The following ZNF891 variants were observed in gnomAD, a reference collection of about 807,000 sequenced individuals.
ZNF891 encodes hCG1646157.
For synonymous variants in ZNF891, 199 were observed against 209.0 expected, an observed-to-expected ratio of 0.95 and a Z score of 0.41; for missense variants, 589 against 632.7, an observed-to-expected ratio of 0.93 and a Z score of 0.74.
rs1222267065 is a variant in ZNF891, at chr12:133,121,908, A to G, written c.11T>C (p.Met4Thr). The change falls in exon 2 of 2, where the codon ATG (methionine) becomes ACG (threonine). Residue 4 changes from methionine (M) to threonine (T), a missense_variant. Coordinates refer to ENST00000537226, the MANE Select transcript of ZNF891 (RefSeq NM_001277291.2). ...TAAAGCCCATGGGGAGGATAGGTCC[A>G]TAACTGCCATTTTATGAGTACATAA... Reference protein sequence around the residue: MAVMDLSSPWALTK... With the variant: MAVTDLSSPWALTK... 1 of 1,533,286 alleles carries G rather than the reference A, an allele frequency of 6.5e-7. No homozygotes were observed. Among genetic ancestry groups the G allele is most frequent in the African/African-American group, 1.4e-5 (1 of 72,734 alleles). 95.0% of individuals were successfully genotyped at this position (1,533,286 alleles called of 1,614,324 possible).
In ZNF891 at chr12:133,121,007, A is replaced by G; in HGVS notation, c.912T>C (p.His304=). ...GTCCTTGTTTCTTAAGGGATGATTG[A>G]TGACACAGCGTTTCATCTTTATTAC... ...CECNKDETLC[H]QSSLKKQGQT... The change falls in exon 2 of 2, where the codon CAT becomes CAC. Residue 304 remains histidine, a synonymous_variant. Transcript: ENST00000537226. 1.3e-6 allele frequency: 2 copies of G among 1,535,680 alleles called. No homozygotes were observed. Among genetic ancestry groups the G allele is most frequent in the Non-Finnish European group, 8.7e-7 (1 of 1,146,870 alleles).
intron 1 of ZNF891, among the ~76,000 whole-genome samples, chr12:133,122,780 C>T (rs1242146221): frequency 6.6e-6 from 1 of 152,168 alleles, no homozygotes; most frequent in Non-Finnish European, 1.5e-5. Context: ...TTTAACCTCC[C>T]TCCCCAAAGT....
chr12:133,120,480 C>A lies in ZNF891; in HGVS notation c.1439G>T (p.Arg480Ile), dbSNP rs1555297477. 3 of 1,601,554 alleles carry A rather than the reference C, an allele frequency of 1.9e-6. No individual in the cohort carries two copies. Among genetic ancestry groups the A allele is most frequent in the South Asian group, 1.1e-5 (1 of 89,780 alleles). The stretch of plus-strand genomic sequence containing the variant: ...ATAGGGTTTCTCTCCAGTGTGAGTT[C>A]TTATATGCATTCTAAGGGATGAGAC... Reference protein sequence around the residue: ...SGVSSLRMHIRTHTGEKPYEC... With the variant: ...SGVSSLRMHIITHTGEKPYEC... Residue 480 changes from arginine (R) to isoleucine (I), a missense_variant, in exon 2 of 2, where the codon AGA (arginine) becomes ATA (isoleucine). By Grantham distance (97) the Arg-to-Ile change is moderately conservative. Coordinates refer to ENST00000537226, the MANE Select transcript of ZNF891 (RefSeq NM_001277291.2).
At chr12:133,122,848 AAAGG>A (rs1955777665) in intron 1 of ZNF891, among the ~76,000 whole-genome samples, 1 of 152,242 alleles carries the variant, frequency 6.6e-6, no homozygotes, top group Non-Finnish European at 1.5e-5. Context: ...GTCAAATGAC[AAAGG>A]AAGAACCATG....
rs762262215 is a variant in ZNF891 at position 133,106,345 on chromosome 12, C to T, written c.*13939G>A. 5 of 1,614,026 alleles carry T rather than the reference C, an allele frequency of 3.1e-6. No individual in the cohort carries two copies. In the South Asian group the frequency reaches 5.5e-5, roughly 18 times the overall value. On this transcript the variant is annotated 3_prime_UTR_variant, in exon 2 of 2. Transcript: ENST00000537226. ...AGAGAATTCATGCTGGAGAAAAGCTCTATGAATGTGATGAATGTGGTAAAG... is the reference window on the plus strand; with the variant it reads ...AGAGAATTCATGCTGGAGAAAAGCTTTATGAATGTGATGAATGTGGTAAAG...
At position 133,112,768 on chromosome 12, in the gene ZNF891, A is replaced by G. The variant is rs1955691714; in HGVS notation, c.*7516T>C. ...ACTTTCAAAAAGTTTGCCTTTAAAA[A>G]GTAGGAGATAGAAATGGTAAGTTAA... On this transcript the variant is annotated 3_prime_UTR_variant, in exon 2 of 2. Transcript: ENST00000537226. 6.6e-6 allele frequency: 1 copy of G among 152,240 alleles called. No homozygotes were observed. The highest frequency in any genetic ancestry group is 2.4e-5 in the African/African-American group (1 of 41,466). 9.4% of individuals were successfully genotyped at this position (152,240 alleles called of 1,614,324 possible). A position where few individuals can be genotyped will look rare whatever the true frequency, so the allele number is the denominator to read the frequency against.
In ZNF891 at chr12:133,105,778, A is replaced by G; in HGVS notation, c.*14506T>C. 1 of 1,614,172 alleles carries G rather than the reference A, an allele frequency of 6.2e-7. No homozygotes were observed. Among genetic ancestry groups the G allele is most frequent in the Non-Finnish European group, 8.5e-7 (1 of 1,180,036 alleles). On this transcript the variant is annotated 3_prime_UTR_variant, in exon 2 of 2. Transcript: ENST00000537226. ...GGCCCTATGGATGCCATGAATGTGG[A>G]AAAACTTTTGGTCGACGCTTTTCCC...
At position 133,113,123 on chromosome 12, in the gene ZNF891, T is replaced by A. The variant is rs1281317519; in HGVS notation, c.*7161A>T. On this transcript the variant is annotated 3_prime_UTR_variant, in exon 2 of 2. Transcript: ENST00000537226. ...AATATATTTATAAAATATAAAAAAA[T>A]ATATTTTTCAATTTTTTTAATCTGG... The A allele has an allele frequency of 6.7e-6, 1 of 148,242 alleles. No homozygotes were observed. The allele number at this position is 148,242 out of a possible 1,614,324, so 9.2% of individuals were successfully genotyped here.
chr12:133,120,357 C>T lies in ZNF891; in HGVS notation c.1562G>A (p.Cys521Tyr). The stretch of plus-strand genomic sequence containing the variant: ...AGAGCTCTGACTGAAGGCTTTTCCA[C>T]ATTGAATACATTCATAGGGTTTCTC... ...TGEKPYECIQCGKAFSQSSSL... is the reference protein window; with the variant it reads ...TGEKPYECIQYGKAFSQSSSL... Residue 521 changes from cysteine (C) to tyrosine (Y), a missense_variant, in exon 2 of 2, where the codon TGT becomes TAT. Transcript: ENST00000537226. The T allele has an allele frequency of 1.3e-6, 2 of 1,584,570 alleles. No homozygotes were observed. Among genetic ancestry groups the T allele is most frequent in the Non-Finnish European group, 8.6e-7 (1 of 1,167,050 alleles).
At chr12:133,125,132 C>T (rs1955802505) in intron 1 of ZNF891, among the ~76,000 whole-genome samples, 1 of 152,024 alleles carries the variant, frequency 6.6e-6, no homozygotes, top group East Asian at 1.9e-4. Context: ...TAAAAATTCA[C>T]GAGAAAACGG....
intron 1 of ZNF891, among the ~76,000 whole-genome samples, chr12:133,123,440 C>T (rs1364021344): frequency 6.6e-6 from 1 of 152,150 alleles, no homozygotes; most frequent in African/African-American, 2.4e-5. Flanking sequence ...TGTTAGGCTT[C>T]TGGGTTGGGT....
At position 133,113,258 on chromosome 12, in the gene ZNF891, AGTTAAT is replaced by A. The variant is rs1183910309; in HGVS notation, c.*7020_*7025del. Reference sequence around the variant, plus strand: ...ATGCTTTAAAAAGTATTTATTAAAAAGTTAATGATAGAATTATTTTTAAGAAATAGA... The same window carrying A: ...ATGCTTTAAAAAGTATTTATTAAAAAGATAGAATTATTTTTAAGAAATAGA... On this transcript the variant is annotated 3_prime_UTR_variant, in exon 2 of 2. Transcript: ENST00000537226. 6.6e-6 allele frequency: 1 copy of A among 151,936 alleles called. No individual in the cohort carries two copies. Among genetic ancestry groups the A allele is most frequent in the Non-Finnish European group, 1.5e-5 (1 of 67,966 alleles). The allele number at this position is 151,936 out of a possible 1,614,324, so 9.4% of individuals were successfully genotyped here.
At chr12:133,125,890 A>C in intron 1 of ZNF891, 1 of 501,214 alleles carries the variant, frequency 2.0e-6, no homozygotes, top group South Asian at 1.4e-5. Context: ...AGAAGAAGGC[A>C]TATGTTTGAC....
rs1377883759 is a variant in ZNF891, at chr12:133,115,428, A to G, written c.*4856T>C. On this transcript the variant is annotated 3_prime_UTR_variant, in exon 2 of 2. Coordinates refer to ENST00000537226, the MANE Select transcript of ZNF891 (RefSeq NM_001277291.2). ...AAAAAAAAAAAAAAGATGTGGGATAAAAGGTATAACTCAATTTTTATAAAA... is the reference window on the plus strand; with the variant it reads ...AAAAAAAAAAAAAAGATGTGGGATAGAAGGTATAACTCAATTTTTATAAAA... 6.7e-6 allele frequency: 1 copy of G among 150,260 alleles called. No individual in the cohort carries two copies. The highest frequency in any genetic ancestry group is 6.6e-5 in the Admixed American group (1 of 15,100). 9.3% of individuals were successfully genotyped at this position (150,260 alleles called of 1,614,324 possible).
At position 133,110,797 on chromosome 12, in the gene ZNF891, A is replaced by G. The variant is rs1368726739; in HGVS notation, c.*9487T>C. 6.6e-6 allele frequency: 1 copy of G among 152,208 alleles called. No homozygotes were observed. Among genetic ancestry groups the G allele is most frequent in the African/African-American group, 2.4e-5 (1 of 41,430 alleles). 9.4% of individuals were successfully genotyped at this position (152,208 alleles called of 1,614,324 possible). On this transcript the variant is annotated 3_prime_UTR_variant, in exon 2 of 2. Coordinates refer to ENST00000537226, the MANE Select transcript of ZNF891 (RefSeq NM_001277291.2). ...AAACCCCATTGCTACTAAAAATACA[A>G]AAAATTAGTTGGGTGTGGCGGTGCA...
At position 133,113,349 on chromosome 12, in the gene ZNF891, C is replaced by T. The variant is rs1392140182; in HGVS notation, c.*6935G>A. On this transcript the variant is annotated 3_prime_UTR_variant, in exon 2 of 2. Coordinates refer to ENST00000537226, the MANE Select transcript of ZNF891 (RefSeq NM_001277291.2). ...AAAAGACAAAAGAAAAAAATTATGACATAACCATTGATAAAACTTTGGTGT... is the reference window on the plus strand; with the variant it reads ...AAAAGACAAAAGAAAAAAATTATGATATAACCATTGATAAAACTTTGGTGT... 6.6e-6 allele frequency: 1 copy of T among 152,020 alleles called. No homozygotes were observed. Among genetic ancestry groups the T allele is most frequent in the South Asian group, 2.1e-4 (1 of 4,834 alleles). 9.4% of individuals were successfully genotyped at this position (152,020 alleles called of 1,614,324 possible).
intron 1 of ZNF891, chr12:133,122,243 G>A: frequency 9.7e-7 from 1 of 1,031,724 alleles, no homozygotes; most frequent in South Asian, 4.3e-5. Flanking sequence ...TTCTCCTGCA[G>A]ACCACTTTGA....
At chr12:133,127,726 G>T (rs574748512) in intron 1 of ZNF891, among the ~76,000 whole-genome samples, 6 of 152,330 alleles carry the variant, frequency 3.9e-5, no homozygotes, top group African/African-American at 1.4e-4. Context: ...GGGCAAAAGG[G>T]AAGCCCAGTG....
rs1955615784 is a variant in ZNF891 at position 133,106,753 on chromosome 12, G to C, written c.*13531C>G. On this transcript the variant is annotated 3_prime_UTR_variant, in exon 2 of 2. Transcript: ENST00000537226. ...TTGGAAAGAAGCCTTATGTGAAAGT[G>C]ATGACTGTGAAGTAATATGGCCCAC... 9.0e-7 allele frequency: 1 copy of C among 1,109,598 alleles called. No individual in the cohort carries two copies. The highest frequency in any genetic ancestry group is 1.6e-5 in the African/African-American group (1 of 63,498). 68.7% of individuals were successfully genotyped at this position (1,109,598 alleles called of 1,614,324 possible).
Sources: gnomAD v4.1 joint callset for allele counts (sites outside exome capture counted in the v4.1 genomes callset) on GRCh38, gnomAD v4.1.1 for gene constraint, MANE v1.5 for transcripts, NCBI Gene and HGNC (gene_info 2026-07-23, HGNC 2026-07-21) for gene names.